Variants in ZFAND3 observed in about 807,000 individuals in gnomAD.
ZFAND3 encodes the protein AN1-type zinc finger protein 3.
In ZFAND3, 10 loss-of-function variants were observed where a neutral mutation model predicts 29.6. The observed-to-expected ratio is 0.34, with a 90% CI of 0.21 to 0.57. The LOEUF is 0.57. Ranked by LOEUF, ZFAND3 falls within the 20% of genes least tolerant of loss-of-function variation. ZFAND3 has a pLI of 0.86. For missense variants in ZFAND3, 230 were observed against 304.5 expected (o/e 0.76, Z 1.82); for synonymous variants, 128 against 112.6 (o/e 1.14, Z -0.87).
At chr6:37,956,667 T>G (rs149234349) in intron 2 of ZFAND3, among the ~76,000 whole-genome samples, 29 of 152,328 alleles carry the variant, frequency 1.9e-4, no homozygotes, top group Middle Eastern at 6.8e-3. Flanking sequence ...CACGGAACTT[T>G]GAAAACTGAT....
At chr6:37,995,212 A>T (rs1328693707) in intron 2 of ZFAND3, among the ~76,000 whole-genome samples, 2 of 152,064 alleles carry the variant, frequency 1.3e-5, no homozygotes, top group African/African-American at 4.8e-5. Flanking sequence ...TCTTCTTTTG[A>T]GGTGATCTTC....
chr6:37,844,189 G>C (rs191681044), intron 1 of ZFAND3, among the ~76,000 whole-genome samples: 1 of 152,092 alleles, frequency 6.6e-6, no homozygotes, highest in Non-Finnish European at 1.5e-5. Context: ...CTCCTAAAGT[G>C]TTGGGATTAT....
rs1296839215 is a variant in ZFAND3 at position 38,003,646 on chromosome 6, G to C, written c.113-57947G>C. 5.2e-5 allele frequency: 17 copies of C among 325,558 alleles called. No individual in the cohort carries two copies. The East Asian group carries it at 1.8e-3, about 35-fold the overall frequency. The allele number at this position is 325,558 out of a possible 1,614,324, so 20.2% of individuals were successfully genotyped here. A position where few individuals can be genotyped will look rare whatever the true frequency, so the allele number is the denominator to read the frequency against. On this transcript the variant is annotated intron_variant, in intron 2 of 5. Coordinates refer to ENST00000287218, the MANE Select transcript of ZFAND3 (RefSeq NM_021943.3). ...CCCAAGTAGCTGGGACTACAGTCAT[G>C]CACCACCACGACCAGCTAATTTTTG...
At chr6:38,005,133 T>G (rs957482674) in intron 2 of ZFAND3, among the ~76,000 whole-genome samples, 1 of 152,328 alleles carries the variant, frequency 6.6e-6, no homozygotes, top group Admixed American at 6.5e-5. Flanking sequence ...GAGAGTCTGC[T>G]CAGCAGATTT....
intron 2 of ZFAND3, among the ~76,000 whole-genome samples, chr6:37,931,792 T>C (rs988548809): frequency 6.6e-6 from 1 of 152,132 alleles, no homozygotes; most frequent in African/African-American, 2.4e-5. Context: ...AAGGAAGTAA[T>C]CATGGTGTAA....
chr6:38,152,491 C>G lies in ZFAND3; in HGVS notation c.*102C>G. The G allele has an allele frequency of 7.2e-7, 1 of 1,389,068 alleles. No homozygotes were observed. Among genetic ancestry groups the G allele is most frequent in the South Asian group, 1.9e-5 (1 of 53,748 alleles). 86.0% of individuals were successfully genotyped at this position (1,389,068 alleles called of 1,614,324 possible). On this transcript the variant is annotated 3_prime_UTR_variant, in exon 6 of 6. Coordinates refer to ENST00000287218, the MANE Select transcript of ZFAND3 (RefSeq NM_021943.3). Reference sequence around the variant, plus strand: ...CACCTTGTACTGGGCACGCGTCAGACTGCAGCCAGTCCGTTTCCTTTCTTT... The same window carrying G: ...CACCTTGTACTGGGCACGCGTCAGAGTGCAGCCAGTCCGTTTCCTTTCTTT...
At chr6:37,907,080 T>C (rs1486598186) in intron 1 of ZFAND3, among the ~76,000 whole-genome samples, 1 of 152,188 alleles carries the variant, frequency 6.6e-6, no homozygotes, top group Admixed American at 6.6e-5. Context: ...TGAAATTGTT[T>C]TAATTTTATA....
At chr6:37,958,968 C>T (rs189405251) in intron 2 of ZFAND3, among the ~76,000 whole-genome samples, 10 of 152,254 alleles carry the variant, frequency 6.6e-5, no homozygotes, top group African/African-American at 2.2e-4. Context: ...GAACCAAATT[C>T]CTGCCATAGA....
At chr6:37,968,288 A>G (rs982900929) in intron 2 of ZFAND3, among the ~76,000 whole-genome samples, 3 of 151,854 alleles carry the variant, frequency 2.0e-5, no homozygotes, top group Non-Finnish European at 4.4e-5. Context: ...GGATGGGGGA[A>G]AAAAAGCGTT....
rs745385793 is a variant in ZFAND3 at position 38,135,459 on chromosome 6, G to A, written c.530-16776G>A. On this transcript the variant is annotated intron_variant, in intron 5 of 5. Coordinates refer to ENST00000287218, the MANE Select transcript of ZFAND3 (RefSeq NM_021943.3). ...CAGAGCTCAGTTAAGAAATGAACAC[G>A]TGAGGCCGGCCGTGGTGGCTCACGC... Among the ~76,000 whole-genome samples, 125 of 152,270 alleles carry A rather than the reference G, an allele frequency of 8.2e-4. 1 individual carries two copies. The highest frequency in any genetic ancestry group is 3.4e-3 in the Middle Eastern group (1 of 294).
intron 5 of ZFAND3, among the ~76,000 whole-genome samples, chr6:38,135,119 G>A (rs967194851): frequency 2.6e-5 from 4 of 152,178 alleles, no homozygotes; most frequent in African/African-American, 7.2e-5. Flanking sequence ...CATGAGGGGC[G>A]TGACAGGTGA....
intron 2 of ZFAND3, among the ~76,000 whole-genome samples, chr6:37,970,908 ACAAACAAAC>A (rs1390618445): frequency 2.7e-4 from 40 of 149,810 alleles, no homozygotes; most frequent in East Asian, 4.3e-4. Context: ...CCGTCTCAAA[ACAAACAAAC>A]CAAACAAACA....
intron 2 of ZFAND3, among the ~76,000 whole-genome samples, chr6:38,047,188 A>T (rs1763920193): frequency 6.6e-6 from 1 of 151,954 alleles, no homozygotes; most frequent in South Asian, 2.1e-4. Context: ...GGTGGCACAC[A>T]CTTGTAATCC....
At chr6:38,142,304 C>T (rs1020065844) in intron 5 of ZFAND3, 5 of 471,396 alleles carry the variant, frequency 1.1e-5, no homozygotes, top group African/African-American at 8.0e-5. Flanking sequence ...TCTGATGCCC[C>T]CTGACCACGT....
At chr6:38,145,072 A>G (rs1766075747) in intron 5 of ZFAND3, among the ~76,000 whole-genome samples, 1 of 152,176 alleles carries the variant, frequency 6.6e-6, no homozygotes, top group South Asian at 2.1e-4. Flanking sequence ...CAAGGGCCTC[A>G]GCCAAGGGTA....
intron 1 of ZFAND3, among the ~76,000 whole-genome samples, chr6:37,880,817 C>G (rs974950165): frequency 2.3e-5 from 3 of 131,768 alleles, no homozygotes; most frequent in Non-Finnish European, 3.0e-5. Context: ...TCAATGAGAT[C>G]ACATGGACAC....
intron 2 of ZFAND3, among the ~76,000 whole-genome samples, chr6:38,013,178 A>T (rs1769100954): frequency 6.6e-6 from 1 of 152,178 alleles, no homozygotes; most frequent in Non-Finnish European, 1.5e-5. Flanking sequence ...TGATTAGTAT[A>T]TACAAAATTT....
intron 1 of ZFAND3, among the ~76,000 whole-genome samples, chr6:37,839,530 T>C (rs1367946118): frequency 6.7e-6 from 1 of 148,866 alleles, no homozygotes; most frequent in Non-Finnish European, 1.5e-5. Context: ...TTGTTTTTTT[T>C]TTTGAGATGG....
At chr6:37,937,537 T>C (rs11754590) in intron 2 of ZFAND3, among the ~76,000 whole-genome samples, 10,596 of 150,886 alleles carry the variant, frequency 0.07, 435 homozygotes, top group Non-Finnish European at 0.086. Context: ...TGCCTGTAAT[T>C]CCAGCTACTT....
Sources: gnomAD v4.1 joint callset for allele counts (sites outside exome capture counted in the v4.1 genomes callset) on GRCh38, gnomAD v4.1.1 for gene constraint, MANE v1.5 for transcripts, NCBI Gene and HGNC (gene_info 2026-07-23, HGNC 2026-07-21) for gene names.